The following ANXA11 variants were observed in gnomAD, a reference collection of about 807,000 sequenced individuals.
ANXA11 encodes annexin A11.
A neutral mutation model predicts 64.7 loss-of-function variants in ANXA11; 57 were observed. The observed-to-expected ratio is 0.88, with a 90% CI of 0.71 to 1.10. The LOEUF (loss-of-function observed/expected upper bound fraction) is 1.10. Ranked by LOEUF, ANXA11 falls within the 50% of genes least tolerant of loss-of-function variation. The pLI, the probability that ANXA11 is intolerant of heterozygous loss-of-function variation, is 0.00. For missense variants in ANXA11, 675 were observed against 670.7 expected (o/e 1.01, Z -0.07); for synonymous variants, 260 against 265.2 (o/e 0.98, Z 0.19).
intron 13 of ANXA11, among the ~76,000 whole-genome samples, chr10:80,158,759 C>T (rs1240903590): frequency 6.6e-6 from 1 of 152,206 alleles, no homozygotes; most frequent in East Asian, 1.9e-4. Flanking sequence ...TGACAACTGC[C>T]TGCAGGGATG....
At chr10:80,170,117 C>CA (rs1201301346) in intron 4 of ANXA11, among the ~76,000 whole-genome samples, 5 of 152,188 alleles carry the variant, frequency 3.3e-5, no homozygotes, top group African/African-American at 4.8e-5. Context: ...CCTACACTTT[C>CA]AATAACATCA....
intron 3 of ANXA11, chr10:80,171,627 T>G (rs1191008937): frequency 1.0e-6 from 1 of 985,304 alleles, no homozygotes; most frequent in Non-Finnish European, 1.2e-6. Context: ...AGGGCTCAGC[T>G]GGGTGCCCGA....
At chr10:80,189,037 C>T (rs534619545) in intron 1 of ANXA11, among the ~76,000 whole-genome samples, 40 of 152,304 alleles carry the variant, frequency 2.6e-4, no homozygotes, top group Non-Finnish European at 5.4e-4. Context: ...CCCTCAAAGA[C>T]ATCCCCGGTA....
At chr10:80,187,918 C>T (rs910282008) in intron 1 of ANXA11, among the ~76,000 whole-genome samples, 5 of 152,126 alleles carry the variant, frequency 3.3e-5, no homozygotes, top group African/African-American at 9.7e-5. Flanking sequence ...ATGTGCCACA[C>T]CCCAAGTCCT....
chr10:80,157,495 GCAAGGGGATGAA>G, intron 15 of ANXA11, 134 bp downstream of exon 15: 1 of 1,467,942 alleles, frequency 6.8e-7, no homozygotes, highest in Non-Finnish European at 9.0e-7. Context: ...CTGTTTAAGG[GCAAGGGGATGAA>G]CAAGTCCGAG....
At chr10:80,177,000 G>A (rs1458572843) in intron 1 of ANXA11, among the ~76,000 whole-genome samples, 3 of 129,484 alleles carry the variant, frequency 2.3e-5, no homozygotes, top group Non-Finnish European at 4.9e-5. Context: ...TTTTTTTTGA[G>A]ACGGAGTCTC....
intron 1 of ANXA11, among the ~76,000 whole-genome samples, chr10:80,202,910 G>C (rs1183198862): frequency 1.3e-5 from 2 of 152,056 alleles, no homozygotes; most frequent in African/African-American, 2.4e-5. Flanking sequence ...GCCGGGCATG[G>C]TGGTGCATGC....
intron 3 of ANXA11, chr10:80,171,533 T>G (rs1216480369): frequency 2.4e-6 from 2 of 821,040 alleles, no homozygotes; most frequent in Non-Finnish European, 1.5e-6. Context: ...TTCACCCTCC[T>G]TAGGCTTGTT....
chr10:80,158,077 A>C, intron 13 of ANXA11, 52 bp from the exon 14 acceptor site: 1 of 1,570,086 alleles, frequency 6.4e-7, no homozygotes, highest in Non-Finnish European at 8.8e-7. Flanking sequence ...TCTCAGCCCA[A>C]GCAGGGCATG....
chr10:80,172,309 T>C (rs910867444), intron 3 of ANXA11, among the ~76,000 whole-genome samples: 6 of 152,046 alleles, frequency 3.9e-5, no homozygotes, highest in Non-Finnish European at 5.9e-5. Context: ...CTCCACTTCC[T>C]CTCTTGGCAA....
At chr10:80,191,549 C>A (rs905065349) in intron 1 of ANXA11, among the ~76,000 whole-genome samples, 2 of 152,172 alleles carry the variant, frequency 1.3e-5, no homozygotes, top group East Asian at 3.8e-4. Flanking sequence ...CCTAACTCAG[C>A]CAGCTTTCTT....
At chr10:80,157,853 C>T in intron 14 of ANXA11, 90 bp from the exon 15 acceptor site, 1 of 1,586,008 alleles carries the variant, frequency 6.3e-7, no homozygotes, top group South Asian at 1.1e-5. Flanking sequence ...TACCCAGGTC[C>T]TCGGAACTCT....
chr10:80,203,347 G>T (rs1840521248), intron 1 of ANXA11, among the ~76,000 whole-genome samples: 1 of 152,066 alleles, frequency 6.6e-6, no homozygotes, highest in South Asian at 2.1e-4. Context: ...TCCACCCAGG[G>T]TGGGCCCTTT....
At chr10:80,165,528 C>T (rs568361140) in intron 8 of ANXA11, among the ~76,000 whole-genome samples, 1 of 152,114 alleles carries the variant, frequency 6.6e-6, no homozygotes, top group East Asian at 1.9e-4. Flanking sequence ...GGAGAGTGGT[C>T]GACAGGCCCC....
At chr10:80,158,786 G>A (rs1032508362) in intron 13 of ANXA11, among the ~76,000 whole-genome samples, 3 of 152,200 alleles carry the variant, frequency 2.0e-5, no homozygotes, top group Admixed American at 2.0e-4. Flanking sequence ...TAGAGGAAAC[G>A]TGGCAGGATA....
chr10:80,151,436 TG>T lies in ANXA11; in HGVS notation c.*4416del, dbSNP rs966977914. The T allele has an allele frequency of 1.3e-5, 2 of 152,196 alleles. No homozygotes were observed. The highest frequency in any genetic ancestry group is 2.9e-5 in the Non-Finnish European group (2 of 68,064). The allele number at this position is 152,196 out of a possible 1,614,324, so 9.4% of individuals were successfully genotyped here. ...ACAGGCAGAGAGCTTTCAGATTTGA[TG>T]GGGGTGAAAATGTAAACCTTTATCT... On this transcript the variant is annotated 3_prime_UTR_variant, in exon 16 of 16. Coordinates refer to ENST00000422982, the MANE Select transcript of ANXA11 (RefSeq NM_145868.2).
intron 2 of ANXA11, among the ~76,000 whole-genome samples, chr10:80,174,080 G>T (rs1227383083): frequency 1.3e-5 from 2 of 152,114 alleles, no homozygotes; most frequent in East Asian, 3.9e-4. Flanking sequence ...TTTGAGACAG[G>T]GTCTCGCTCT....
At chr10:80,191,133 G>T (rs1225493875) in intron 1 of ANXA11, among the ~76,000 whole-genome samples, 1 of 152,106 alleles carries the variant, frequency 6.6e-6, no homozygotes, top group East Asian at 1.9e-4. Flanking sequence ...GCTGAGGCAG[G>T]AGAATTACTT....
chr10:80,154,063 G>A lies in ANXA11; in HGVS notation c.*1790C>T, dbSNP rs7078465. ...AAGGATCTTCCTGCCTCAGCCTCCA[G>A]AGTAGCCGACTATAGGGAATGCACT... On this transcript the variant is annotated 3_prime_UTR_variant, in exon 16 of 16. Transcript: ENST00000422982. The A allele has an allele frequency of 0.38, 57,521 of 151,564 alleles. 11,427 individuals are homozygous for A. Among genetic ancestry groups the A allele is most frequent in the African/African-American group, 0.5 (20,437 of 41,206 alleles). The allele number at this position is 151,564 out of a possible 1,614,324, so 9.4% of individuals were successfully genotyped here. A position where few individuals can be genotyped will look rare whatever the true frequency, so the allele number is the denominator to read the frequency against.
Sources: allele counts gnomAD v4.1 joint callset (sites outside exome capture counted in the v4.1 genomes callset), GRCh38; gene constraint gnomAD v4.1.1; transcripts MANE v1.5; gene names NCBI Gene and HGNC (gene_info 2026-07-23, HGNC 2026-07-21).